Variants in HECTD2 observed in about 807,000 individuals in gnomAD.
HECTD2 encodes probable E3 ubiquitin-protein ligase HECTD2.
Under a neutral mutation model 103.2 loss-of-function variants are expected in HECTD2, and 35 were observed. The observed-to-expected ratio is 0.34, with a 90% CI of 0.26 to 0.45. The LOEUF (loss-of-function observed/expected upper bound fraction) is 0.45, where lower values mean the gene tolerates loss of function less well. HECTD2 is among the 20% of genes least tolerant of loss of function. The probability of loss-of-function intolerance (pLI) is 1.00; values close to 1 mark genes in which losing one functional copy is unlikely to be tolerated. For synonymous variants in HECTD2, 281 were observed against 329.9 expected, an observed-to-expected ratio of 0.85 and a Z score of 1.61; for missense variants, 596 against 937.4, an observed-to-expected ratio of 0.64 and a Z score of 4.76.
At chr10:91,422,807 T>G (rs556034190) in intron 1 of HECTD2, among the ~76,000 whole-genome samples, 1 of 152,280 alleles carries the variant, frequency 6.6e-6, no homozygotes, top group South Asian at 2.1e-4. Flanking sequence ...CCACTAGACA[T>G]TAGAACTGAT....
intron 2 of HECTD2, among the ~76,000 whole-genome samples, chr10:91,449,441 C>G (rs1392314879): frequency 6.6e-6 from 1 of 152,076 alleles, no homozygotes; most frequent in Non-Finnish European, 1.5e-5. Flanking sequence ...CAATATCATA[C>G]TGAATGGGTA....
At chr10:91,505,394 C>G (rs1447898668) in intron 20 of HECTD2, among the ~76,000 whole-genome samples, 1 of 152,122 alleles carries the variant, frequency 6.6e-6, no homozygotes, top group African/African-American at 2.4e-5. Context: ...CATGCAGGGA[C>G]ACACATAGGC....
At chr10:91,427,378 G>A (rs958482135) in intron 2 of HECTD2, among the ~76,000 whole-genome samples, 2 of 151,990 alleles carry the variant, frequency 1.3e-5, no homozygotes, top group African/African-American at 2.4e-5. Flanking sequence ...TAATGGGATG[G>A]CTGGGTCAAA....
At chr10:91,412,547 C>G (rs1271416760) in intron 1 of HECTD2, among the ~76,000 whole-genome samples, 13 of 149,852 alleles carry the variant, frequency 8.7e-5, no homozygotes, top group Non-Finnish European at 1.9e-4. Flanking sequence ...CTCTGCCTCT[C>G]GTGTTCAAGC....
chr10:91,503,105 TG>T (rs1846970979), intron 20 of HECTD2, among the ~76,000 whole-genome samples: 2 of 152,166 alleles, frequency 1.3e-5, no homozygotes, highest in Admixed American at 1.3e-4. Context: ...GCAAAGGACA[TG>T]AACAGACACT....
At position 91,432,928 on chromosome 10, in the gene HECTD2, C is replaced by A. The variant is rs1449816054; in HGVS notation, c.268+7518C>A. Among the ~76,000 whole-genome samples the A allele has an allele frequency of 2.6e-5, 4 of 151,976 alleles. No individual in the cohort carries two copies. The East Asian group carries it at 7.7e-4, about 29-fold the overall frequency. On this transcript the variant is annotated intron_variant, in intron 2 of 20. Coordinates refer to ENST00000298068, the MANE Select transcript of HECTD2 (RefSeq NM_182765.6). Reference sequence around the variant, plus strand: ...TGGATCTGTGTGTGAGTCCTGTGATCTTCACAGGTCAAGTACTCCAGAGTT... The same window carrying A: ...TGGATCTGTGTGTGAGTCCTGTGATATTCACAGGTCAAGTACTCCAGAGTT...
chr10:91,415,086 C>T (rs1843066455), intron 1 of HECTD2, among the ~76,000 whole-genome samples: 1 of 152,104 alleles, frequency 6.6e-6, no homozygotes, highest in African/African-American at 2.4e-5. Flanking sequence ...GGAGCATACA[C>T]ACCATGTGGG....
chr10:91,461,141 C>T (rs1845330322), intron 3 of HECTD2, 113 bp from the exon 4 acceptor site: 3 of 529,492 alleles, frequency 5.7e-6, no homozygotes, highest in Admixed American at 3.4e-5. Flanking sequence ...GGACATATTT[C>T]TTTATTTGGC....
chr10:91,482,758 A>G (rs1846139299), intron 7 of HECTD2, among the ~76,000 whole-genome samples: 1 of 151,954 alleles, frequency 6.6e-6, no homozygotes, highest in South Asian at 2.1e-4. Flanking sequence ...TCAGACCCAG[A>G]TCTGTCTTAA....
chr10:91,415,720 G>A (rs1167554608), intron 1 of HECTD2, among the ~76,000 whole-genome samples: 1 of 152,098 alleles, frequency 6.6e-6, no homozygotes, highest in Non-Finnish European at 1.5e-5. Context: ...CTGCACCTAT[G>A]GCAGTATTTC....
At chr10:91,501,103 A>C (rs1564736938) in intron 19 of HECTD2, 88 bp from the exon 20 acceptor site, 1 of 1,124,658 alleles carries the variant, frequency 8.9e-7, no homozygotes, top group Non-Finnish European at 1.3e-6. Flanking sequence ...GCTTAAGGAA[A>C]GTCCTTTCCT....
At chr10:91,424,009 G>C (rs1013496374) in intron 1 of HECTD2, among the ~76,000 whole-genome samples, 2 of 152,116 alleles carry the variant, frequency 1.3e-5, no homozygotes, top group African/African-American at 4.8e-5. Context: ...CCAAGTTTCA[G>C]TGTTTGAAAA....
intron 8 of HECTD2, chr10:91,484,258 C>T: frequency 1.2e-6 from 1 of 849,090 alleles, no homozygotes; most frequent in East Asian, 2.7e-5. Context: ...ATAATGAAGA[C>T]TGAATATTGA....
At chr10:91,448,907 C>G (rs573749184) in intron 2 of HECTD2, among the ~76,000 whole-genome samples, 13 of 88,014 alleles carry the variant, frequency 1.5e-4, no homozygotes, top group South Asian at 4.7e-4. Context: ...CCAAAAAAAG[C>G]CCAGGACCAG....
At chr10:91,461,989 C>T in intron 4 of HECTD2, 106 bp from the exon 5 acceptor site, 1 of 817,000 alleles carries the variant, frequency 1.2e-6, no homozygotes. Flanking sequence ...TTTTTATTAT[C>T]AGACTAAAAA....
At chr10:91,467,515 C>A (rs1191640009) in intron 5 of HECTD2, among the ~76,000 whole-genome samples, 3 of 152,136 alleles carry the variant, frequency 2.0e-5, no homozygotes, top group Non-Finnish European at 4.4e-5. Flanking sequence ...GCCACACTCA[C>A]TTGCAGTGCA....
intron 1 of HECTD2, among the ~76,000 whole-genome samples, chr10:91,417,074 CAG>C (rs1009375941): frequency 1.3e-4 from 20 of 152,186 alleles, no homozygotes; most frequent in African/African-American, 4.3e-4. Context: ...GAAAGATCAA[CAG>C]AAGATGAATG....
chr10:91,472,377 A>G (rs1845758956), intron 5 of HECTD2, among the ~76,000 whole-genome samples: 1 of 152,218 alleles, frequency 6.6e-6, no homozygotes, highest in Non-Finnish European at 1.5e-5. Context: ...AGGAAATATC[A>G]TTCTGGACAT....
Position 91,473,188 on chromosome 10 carries a change from G to A in HECTD2, c.601-5013G>A, listed in dbSNP as rs372658247. On this transcript the variant is annotated intron_variant, in intron 5 of 20. Transcript: ENST00000298068. ...GACAAAGTAGTGAAATTGGAACATC[G>A]TAATAAAGATACCTTATAAGTAATC... Among the ~76,000 whole-genome samples the A allele has an allele frequency of 2.2e-4, 33 of 152,154 alleles. 1 individual carries two copies. Among genetic ancestry groups the A allele is most frequent in the East Asian group, 1.9e-3 (10 of 5,188 alleles).
Sources: allele counts gnomAD v4.1 joint callset (sites outside exome capture counted in the v4.1 genomes callset), GRCh38; gene constraint gnomAD v4.1.1; transcripts MANE v1.5; gene names NCBI Gene and HGNC (gene_info 2026-07-23, HGNC 2026-07-21).